CDK8: variants seen among roughly 807,000 people sequenced by gnomAD.
The protein encoded by CDK8 is cyclin dependent kinase 8, also known as cyclin-dependent kinase 8.
A neutral mutation model predicts 71.5 loss-of-function variants in CDK8; 29 were observed. That is an observed-to-expected ratio of 0.41 (90% CI 0.30 to 0.55). The LOEUF is 0.55. Ranked by LOEUF, CDK8 falls within the 20% of genes least tolerant of loss-of-function variation. The pLI, the probability that CDK8 is intolerant of heterozygous loss-of-function variation, is 0.37. For missense variants in CDK8, 288 were observed against 572.6 expected, an observed-to-expected ratio of 0.50 and a Z score of 5.07; for synonymous variants, 161 against 192.1, an observed-to-expected ratio of 0.84 and a Z score of 1.34.
intron 1 of CDK8, among the ~76,000 whole-genome samples, chr13:26,267,655 C>G (rs183372510): frequency 6.6e-6 from 1 of 152,282 alleles, no homozygotes; most frequent in African/African-American, 2.4e-5. Flanking sequence ...ACCTGTAACT[C>G]AATTCATTTT....
intron 6 of CDK8, among the ~76,000 whole-genome samples, chr13:26,387,845 A>C (rs1005402536): frequency 3.3e-5 from 5 of 152,042 alleles, no homozygotes; most frequent in Non-Finnish European, 7.4e-5. Context: ...ATAGCACCCT[A>C]CCTCCGCCTT....
chr13:26,280,880 C>A (rs1413133359), intron 1 of CDK8, among the ~76,000 whole-genome samples: 1 of 152,200 alleles, frequency 6.6e-6, no homozygotes, highest in Admixed American at 6.5e-5. Context: ...ACACTGTGGA[C>A]TTCTTGCTCC....
In CDK8 at chr13:26,397,544, A is replaced by G. The variant is rs9581663; in HGVS notation, c.933+319A>G. ...TTTAAGATTTTAAAAGTTCCAGAGAAGTATCAAGAAGAAAGTACTTCTCAC... is the reference window on the plus strand; with the variant it reads ...TTTAAGATTTTAAAAGTTCCAGAGAGGTATCAAGAAGAAAGTACTTCTCAC... On this transcript the variant is annotated intron_variant, in intron 9 of 12. Coordinates refer to ENST00000381527, the MANE Select transcript of CDK8 (RefSeq NM_001260.3). Among the ~76,000 whole-genome samples the G allele has an allele frequency of 6.8e-3, 1,032 of 152,276 alleles. 8 individuals are homozygous for G. The highest frequency in any genetic ancestry group is 0.024 in the Middle Eastern group (7 of 292).
At chr13:26,335,096 C>G (rs1168893651) in intron 1 of CDK8, among the ~76,000 whole-genome samples, 1 of 152,146 alleles carries the variant, frequency 6.6e-6, no homozygotes, top group Non-Finnish European at 1.5e-5. Flanking sequence ...CAAGTCTCTT[C>G]CATCTTAAGA....
At chr13:26,281,325 T>C (rs1047081654) in intron 1 of CDK8, among the ~76,000 whole-genome samples, 10 of 152,164 alleles carry the variant, frequency 6.6e-5, no homozygotes, top group African/African-American at 2.4e-4. Flanking sequence ...TATGCAGACA[T>C]TTGCAAGTAC....
intron 1 of CDK8, among the ~76,000 whole-genome samples, chr13:26,305,264 G>T (rs1190712474): frequency 1.3e-5 from 2 of 152,036 alleles, no homozygotes; most frequent in Non-Finnish European, 2.9e-5. Context: ...TTTTCTTTCA[G>T]AATTTTAAAG....
intron 9 of CDK8, chr13:26,400,173 A>T: frequency 3.1e-6 from 1 of 322,548 alleles, no homozygotes; most frequent in Middle Eastern, 9.1e-4. Context: ...GTCCTGTTCT[A>T]AATTGGATAA....
Position 26,330,870 on chromosome 13 carries a change from T to G in CDK8, c.129-6697T>G, listed in dbSNP as rs558667216. ...ATGGACACTTAGGTTTATGTCTGTCTTTGGTATTGTGAATAGTGCTGCCAT... is the reference window on the plus strand; with the variant it reads ...ATGGACACTTAGGTTTATGTCTGTCGTTGGTATTGTGAATAGTGCTGCCAT... On this transcript the variant is annotated intron_variant, in intron 1 of 12. Coordinates refer to ENST00000381527, the MANE Select transcript of CDK8 (RefSeq NM_001260.3). 3.9e-5 allele frequency among the ~76,000 whole-genome samples: 6 copies of G among 152,348 alleles called. No homozygotes were observed. The South Asian group carries it at 1.2e-3, about 32-fold the overall frequency.
rs373367197 is a variant in CDK8 at position 26,393,480 on chromosome 13, A to C, written c.760A>C (p.Arg254=). ...TCCTTATCACCATGACCAGCTGGAC[A>C]GAATATTCAATGTAATGGGATTTCC... The part of the protein sequence containing the change: ...SNPYHHDQLD[R]IFNVMGFPAD... The change falls in exon 7 of 13, where the codon AGA becomes CGA. Residue 254 remains arginine (R), a synonymous_variant. Coordinates refer to ENST00000381527, the MANE Select transcript of CDK8 (RefSeq NM_001260.3). 3.1e-6 allele frequency: 5 copies of C among 1,610,558 alleles called. No homozygotes were observed. The African/African-American group carries it at 6.7e-5, about 22-fold the overall frequency.
chr13:26,309,965 A>G (rs893218586), intron 1 of CDK8, among the ~76,000 whole-genome samples: 1 of 152,086 alleles, frequency 6.6e-6, no homozygotes, highest in African/African-American at 2.4e-5. Flanking sequence ...CATGTTGGCC[A>G]GGCTGGTCTC....
At chr13:26,366,496 C>T (rs1172886265) in intron 4 of CDK8, among the ~76,000 whole-genome samples, 2 of 152,010 alleles carry the variant, frequency 1.3e-5, no homozygotes, top group African/African-American at 4.8e-5. Context: ...TCTCCTACTC[C>T]CCCAATACAA....
intron 4 of CDK8, among the ~76,000 whole-genome samples, chr13:26,382,525 AC>A (rs1565994122): frequency 1.3e-5 from 2 of 152,250 alleles, no homozygotes; most frequent in Non-Finnish European, 2.9e-5. Context: ...AGGAACCACA[AC>A]ATGACTTTGT....
intron 2 of CDK8, among the ~76,000 whole-genome samples, chr13:26,343,467 T>C (rs932445907): frequency 6.6e-6 from 1 of 152,206 alleles, no homozygotes; most frequent in Non-Finnish European, 1.5e-5. Context: ...TCTTTATTCC[T>C]TTACTCTCTT....
At chr13:26,273,119 A>G (rs553418946) in intron 1 of CDK8, among the ~76,000 whole-genome samples, 39 of 152,162 alleles carry the variant, frequency 2.6e-4, no homozygotes, top group Non-Finnish European at 5.3e-4. Context: ...TTAGGTCTCT[A>G]AGGGGTTGAA....
rs1362485615 is a variant in CDK8, at chr13:26,307,445, G to C, written c.129-30122G>C. On this transcript the variant is annotated intron_variant, in intron 1 of 12. Coordinates refer to ENST00000381527, the MANE Select transcript of CDK8 (RefSeq NM_001260.3). ...TGGAGGAAGAGATTCATGAGCAAAA[G>C]AAGTGTGGTGGCCACCTTTAAAGTT... 2.0e-5 allele frequency among the ~76,000 whole-genome samples: 3 copies of C among 152,146 alleles called. No homozygotes were observed. In the East Asian group the frequency reaches 5.8e-4, roughly 29 times the overall value.
intron 1 of CDK8, among the ~76,000 whole-genome samples, chr13:26,321,813 A>G (rs1329294006): frequency 6.6e-6 from 1 of 152,026 alleles, no homozygotes; most frequent in Non-Finnish European, 1.5e-5. Context: ...AAATGTATAT[A>G]TTATATATGT....
intron 1 of CDK8, among the ~76,000 whole-genome samples, chr13:26,276,533 G>A (rs1425332740): frequency 1.3e-5 from 2 of 152,120 alleles, no homozygotes; most frequent in Non-Finnish European, 1.5e-5. Context: ...GCTATCATAA[G>A]GGCATATAAG....
intron 1 of CDK8, among the ~76,000 whole-genome samples, chr13:26,307,335 A>G (rs574258169): frequency 6.6e-6 from 1 of 152,188 alleles, no homozygotes; most frequent in Non-Finnish European, 1.5e-5. Flanking sequence ...GGAGATAGAA[A>G]AGTCAGAGAA....
intron 1 of CDK8, among the ~76,000 whole-genome samples, chr13:26,269,602 C>T (rs996830452): frequency 6.6e-6 from 1 of 151,748 alleles, no homozygotes; most frequent in African/African-American, 2.4e-5. Context: ...TCTGATGTTC[C>T]TAAGTACATG....
Sources: gnomAD v4.1 joint callset for allele counts (sites outside exome capture counted in the v4.1 genomes callset) on GRCh38, gnomAD v4.1.1 for gene constraint, MANE v1.5 for transcripts, NCBI Gene and HGNC (gene_info 2026-07-23, HGNC 2026-07-21) for gene names.